Variants in PTPN3 observed in about 807,000 individuals in gnomAD.
PTPN3 encodes protein tyrosine phosphatase non-receptor type 3.
Under a neutral mutation model 132.7 loss-of-function variants are expected in PTPN3, and 96 were observed. The observed-to-expected ratio is 0.72, with a 90% CI of 0.61 to 0.86. The LOEUF (loss-of-function observed/expected upper bound fraction) is 0.86. Among genes scored for constraint, PTPN3 ranks in the 40% least tolerant of loss-of-function variants. The pLI, the probability that PTPN3 is intolerant of heterozygous loss-of-function variation, is 0.00. For synonymous variants in PTPN3, 398 were observed against 429.0 expected (o/e 0.93, Z 0.89); for missense variants, 1,125 against 1,159.6 (o/e 0.97, Z 0.43).
chr9:109,497,197 G>T (rs939283770), intron 1 of PTPN3, among the ~76,000 whole-genome samples: 1 of 152,164 alleles, frequency 6.6e-6, no homozygotes, highest in East Asian at 1.9e-4. Context: ...ACTAGGCCCT[G>T]AAGATGGTTT....
chr9:109,517,137 G>T, the PTPN3 span, among the ~76,000 whole-genome samples: 2 of 152,156 alleles, frequency 1.3e-5, no homozygotes, highest in Admixed American at 6.5e-5. Context: ...GCACTGAAAA[G>T]TCATCCTCAC....
chr9:109,422,834 A>C lies in PTPN3; in HGVS notation c.1020T>G (p.Tyr340Ter). Residue 340 changes from tyrosine to a stop codon, truncating the protein, a stop_gained, in exon 13 of 26, where the codon TAT becomes TAG. Coordinates refer to ENST00000374541, the MANE Select transcript of PTPN3 (RefSeq NM_002829.4). LOFTEE classifies it high-confidence loss of function. ...RNTKKSVNNQYCKKVIGGMVW... is the reference protein window; with the variant it reads ...RNTKKSVNNQ Reference sequence around the variant, plus strand: ...CCATCCCGCCAATCACCTTTTTGCAATATTGGTTATTTACCGACCTGAAAA... The same window carrying C: ...CCATCCCGCCAATCACCTTTTTGCACTATTGGTTATTTACCGACCTGAAAA... 1 of 1,613,382 alleles carries C rather than the reference A, an allele frequency of 6.2e-7. No individual in the cohort carries two copies. The highest frequency in any genetic ancestry group is 8.5e-7 in the Non-Finnish European group (1 of 1,179,422).
At chr9:109,453,103 C>G (rs1564456713) in intron 5 of PTPN3, among the ~76,000 whole-genome samples, 1 of 152,138 alleles carries the variant, frequency 6.6e-6, no homozygotes, top group African/African-American at 2.4e-5. Flanking sequence ...TGGACATTGG[C>G]TTAAAAAGTA....
chr9:109,476,384 G>T (rs1183944694), intron 1 of PTPN3, among the ~76,000 whole-genome samples: 1 of 150,846 alleles, frequency 6.6e-6, no homozygotes, highest in Non-Finnish European at 1.5e-5. Context: ...AAAAAAAACA[G>T]TAAAAAGTAA....
At chr9:109,468,340 T>C (rs1433174483) in intron 1 of PTPN3, among the ~76,000 whole-genome samples, 1 of 152,212 alleles carries the variant, frequency 6.6e-6, no homozygotes, top group Non-Finnish European at 1.5e-5. Flanking sequence ...AACGAAGCTC[T>C]ATTGTGGATA....
intron 5 of PTPN3, among the ~76,000 whole-genome samples, chr9:109,452,032 G>C (rs1845281689): frequency 6.6e-6 from 1 of 152,136 alleles, no homozygotes; most frequent in Non-Finnish European, 1.5e-5. Flanking sequence ...CACTTTGGGA[G>C]GCCGAGGCGG....
chr9:109,433,806 G>A (rs1024674375), intron 9 of PTPN3, among the ~76,000 whole-genome samples: 1 of 151,922 alleles, frequency 6.6e-6, no homozygotes, highest in Non-Finnish European at 1.5e-5. Flanking sequence ...CACTCAGGAG[G>A]CTGAGGTGGG....
chr9:109,413,913 A>G (rs1842274237), intron 14 of PTPN3, among the ~76,000 whole-genome samples: 2 of 152,146 alleles, frequency 1.3e-5, no homozygotes, highest in African/African-American at 4.8e-5. Flanking sequence ...CTAGAAAATT[A>G]AAGACCTCCC....
intron 1 of PTPN3, among the ~76,000 whole-genome samples, chr9:109,497,930 C>A (rs2132136625): frequency 6.7e-6 from 1 of 148,282 alleles, no homozygotes; most frequent in South Asian, 2.1e-4. Context: ...CTGGAGCGCA[C>A]GCCCACGCTC....
intron 1 of PTPN3, among the ~76,000 whole-genome samples, chr9:109,495,813 C>T (rs537733510): frequency 1.8e-4 from 28 of 152,348 alleles, no homozygotes; most frequent in African/African-American, 6.3e-4. Flanking sequence ...GGGTCAGAGA[C>T]ATGACTGATG....
At chr9:109,404,684 C>A in intron 18 of PTPN3, 76 bp from the exon 19 acceptor site, 1 of 1,328,914 alleles carries the variant, frequency 7.5e-7, no homozygotes, top group Non-Finnish European at 9.7e-7. Flanking sequence ...ACAAATCACA[C>A]CTATGACACC....
intron 1 of PTPN3, among the ~76,000 whole-genome samples, chr9:109,484,599 A>C (rs1009028688): frequency 2.6e-5 from 4 of 152,200 alleles, no homozygotes; most frequent in African/African-American, 9.7e-5. Flanking sequence ...CCAGATCCTG[A>C]AAAACTCTTC....
the PTPN3 span, among the ~76,000 whole-genome samples, chr9:109,537,327 G>A: frequency 2.0e-5 from 3 of 152,130 alleles, no homozygotes; most frequent in Middle Eastern, 3.4e-3. Flanking sequence ...AACTTCTTAC[G>A]CTTAAAAAGA....
At chr9:109,510,574 AAAATATATAT>A in the PTPN3 span, among the ~76,000 whole-genome samples, 1 of 49,202 alleles carries the variant, frequency 2.0e-5, no homozygotes, top group East Asian at 6.5e-4. Flanking sequence ...AAAAAAAAAA[AAAATATATAT>A]ATATATATAT....
At chr9:109,460,633 T>A (rs1432392929) in intron 2 of PTPN3, among the ~76,000 whole-genome samples, 1 of 152,238 alleles carries the variant, frequency 6.6e-6, no homozygotes, top group Non-Finnish European at 1.5e-5. Context: ...CTCCCTGGGA[T>A]GTGCTCCCTC....
Position 109,404,446 on chromosome 9 carries a change from A to C in PTPN3, c.1953+2T>G. Reference sequence around the variant, plus strand: ...TGGGATTCAGCCTCCAGAGGGTCTTACCTCAAACTGGATCAGCACCGTCCC... The same window carrying C: ...TGGGATTCAGCCTCCAGAGGGTCTTCCCTCAAACTGGATCAGCACCGTCCC... On this transcript the variant is annotated splice_donor_variant, in intron 19 of 25. Transcript: ENST00000374541. LOFTEE classifies it high-confidence loss of function. 7.0e-7 allele frequency: 1 copy of C among 1,431,728 alleles called. No homozygotes were observed. The highest frequency in any genetic ancestry group is 9.3e-7 in the Non-Finnish European group (1 of 1,071,828). 88.7% of individuals were successfully genotyped at this position (1,431,728 alleles called of 1,614,324 possible). A position where few individuals can be genotyped will look rare whatever the true frequency, so the allele number is the denominator to read the frequency against.
intron 13 of PTPN3, among the ~76,000 whole-genome samples, chr9:109,421,335 T>C (rs954647219): frequency 1.3e-5 from 2 of 152,196 alleles, no homozygotes; most frequent in Non-Finnish European, 1.5e-5. Flanking sequence ...TGCCAAGCTT[T>C]CTAAGTTCTA....
At chr9:109,439,155 G>A (rs950925639) in intron 7 of PTPN3, among the ~76,000 whole-genome samples, 1 of 152,180 alleles carries the variant, frequency 6.6e-6, no homozygotes, top group Non-Finnish European at 1.5e-5. Flanking sequence ...AACCATTTGG[G>A]TGTCTGGACC....
the PTPN3 span, among the ~76,000 whole-genome samples, chr9:109,506,145 C>G: frequency 1.3e-5 from 2 of 152,160 alleles, no homozygotes; most frequent in Admixed American, 6.5e-5. Flanking sequence ...ACCACATATA[C>G]GGACCCTCAG....
Sources: gnomAD v4.1 joint callset for allele counts (sites outside exome capture counted in the v4.1 genomes callset) on GRCh38, gnomAD v4.1.1 for gene constraint, MANE v1.5 for transcripts, NCBI Gene and HGNC (gene_info 2026-07-23, HGNC 2026-07-21) for gene names.